Variants in MTMR7 observed in about 807,000 individuals in gnomAD.
The protein encoded by MTMR7 is phosphatidylinositol-3-phosphate phosphatase MTMR7.
In MTMR7, 76 loss-of-function variants were observed where a neutral mutation model predicts 81.2. The ratio of observed to expected loss-of-function variants is 0.94; its 90% CI spans 0.78 to 1.13. The LOEUF (loss-of-function observed/expected upper bound fraction) is 1.13, where lower values mean the gene tolerates loss of function less well. MTMR7 is among the 50% of genes most tolerant of loss of function. MTMR7 has a pLI of 0.00. For missense variants in MTMR7, 1,044 were observed against 820.0 expected (o/e 1.27, Z -3.34); for synonymous variants, 372 against 289.8 (o/e 1.28, Z -2.88).
chr8:17,378,150 A>C (rs549242509), intron 1 of MTMR7, among the ~76,000 whole-genome samples: 1 of 152,286 alleles, frequency 6.6e-6, no homozygotes, highest in East Asian at 1.9e-4. Context: ...CTGCTGCAGG[A>C]AAGTCACATT....
chr8:17,338,517 G>A (rs1340792382), intron 6 of MTMR7, among the ~76,000 whole-genome samples: 1 of 152,164 alleles, frequency 6.6e-6, no homozygotes, highest in Non-Finnish European at 1.5e-5. Context: ...TATCTAAGCA[G>A]CTAATCATTA....
chr8:17,408,290 G>A (rs1216661822), intron 1 of MTMR7, among the ~76,000 whole-genome samples: 1 of 113,094 alleles, frequency 8.8e-6, no homozygotes, highest in Non-Finnish European at 2.1e-5. Flanking sequence ...TTGGGAGGCT[G>A]AGGCAGGAGA....
chr8:17,342,640 G>C (rs1159961856), intron 5 of MTMR7, among the ~76,000 whole-genome samples: 1 of 152,132 alleles, frequency 6.6e-6, no homozygotes, highest in Admixed American at 6.5e-5. Context: ...TCTGAAGTTG[G>C]AGAACCACAG....
intron 1 of MTMR7, among the ~76,000 whole-genome samples, chr8:17,383,168 A>T (rs186967753): frequency 6.6e-6 from 1 of 152,248 alleles, no homozygotes; most frequent in Non-Finnish European, 1.5e-5. Context: ...TTTTACCTTT[A>T]AACAGTGCCC....
chr8:17,337,412 T>C (rs946234959), intron 6 of MTMR7, among the ~76,000 whole-genome samples: 4 of 148,144 alleles, frequency 2.7e-5, no homozygotes, highest in Non-Finnish European at 4.5e-5. Context: ...CTCAGCAAAG[T>C]CCCAGAACAA....
rs182328304 is a variant in MTMR7 at position 17,309,373 on chromosome 8, A to T, written c.1102-47T>A. On this transcript the variant is annotated intron_variant, in intron 9 of 13. Transcript: ENST00000180173. ...TATCTTGGAGAGAAGCAAACGAAAA[A>T]TAAGAGACCACACAACCAATAATGT... 387 of 1,251,186 alleles carry T rather than the reference A, an allele frequency of 3.1e-4. No homozygotes were observed. In the African/African-American group the frequency reaches 5.1e-3, roughly 17 times the overall value. The allele number at this position is 1,251,186 out of a possible 1,614,324, so 77.5% of individuals were successfully genotyped here. A position where few individuals can be genotyped will look rare whatever the true frequency, so the allele number is the denominator to read the frequency against.
chr8:17,301,981 G>C lies in MTMR7; in HGVS notation c.1620+173C>G, dbSNP rs1325684109. On this transcript the variant is annotated intron_variant, in intron 13 of 13. Coordinates refer to ENST00000180173, the MANE Select transcript of MTMR7 (RefSeq NM_004686.5). ...ATGTGTGAAATGCATTAAATGCCTA[G>C]GTTTGGGCTTCGGTTATCTGAGTCC... is the stretch of plus-strand genomic sequence containing the variant. The C allele has an allele frequency of 6.5e-6, 5 of 773,176 alleles. No individual in the cohort carries two copies. In the Admixed American group the frequency reaches 9.1e-5, roughly 14 times the overall value. 47.9% of individuals were successfully genotyped at this position (773,176 alleles called of 1,614,324 possible). A position where few individuals can be genotyped will look rare whatever the true frequency, so the allele number is the denominator to read the frequency against.
intron 7 of MTMR7, among the ~76,000 whole-genome samples, chr8:17,327,118 A>G (rs753096166): frequency 5.9e-5 from 9 of 152,254 alleles, no homozygotes; most frequent in Non-Finnish European, 1.3e-4. Flanking sequence ...GTTAGTACAT[A>G]TAGTCTTCAC....
chr8:17,318,622 A>G (rs1818222882), intron 7 of MTMR7, among the ~76,000 whole-genome samples: 2 of 152,230 alleles, frequency 1.3e-5, no homozygotes, highest in South Asian at 4.1e-4. Flanking sequence ...CATGTCAGCT[A>G]ATTCACAGCC....
chr8:17,374,737 C>CTGGAGGCAG (rs1820523003), intron 1 of MTMR7, among the ~76,000 whole-genome samples: 1 of 152,030 alleles, frequency 6.6e-6, no homozygotes, highest in African/African-American at 2.4e-5. Flanking sequence ...CACTTGAACC[C>CTGGAGGCAG]TGGAGGCAGA....
chr8:17,338,118 G>C (rs576393602), intron 6 of MTMR7, among the ~76,000 whole-genome samples: 133 of 152,266 alleles, frequency 8.7e-4, no homozygotes, highest in African/African-American at 3.0e-3. Flanking sequence ...AAAGCTCTAA[G>C]TAAACAGTTT....
chr8:17,391,368 T>C (rs1195271291), intron 1 of MTMR7, among the ~76,000 whole-genome samples: 1 of 152,166 alleles, frequency 6.6e-6, no homozygotes, highest in African/African-American at 2.4e-5. Context: ...GACATATATA[T>C]TGTTTTAAAG....
At position 17,299,632 on chromosome 8, in the gene MTMR7, G is replaced by T; in HGVS notation, c.*230C>A. ...GAATATAATTTTCATAGTCTAGGGT[G>T]AGCTTCAAAATGGTGAATAATTTTC... On this transcript the variant is annotated 3_prime_UTR_variant, in exon 14 of 14. Coordinates refer to ENST00000180173, the MANE Select transcript of MTMR7 (RefSeq NM_004686.5). 1 of 553,500 alleles carries T rather than the reference G, an allele frequency of 1.8e-6. No homozygotes were observed. The highest frequency in any genetic ancestry group is 3.2e-6 in the Non-Finnish European group (1 of 315,074). The allele number at this position is 553,500 out of a possible 1,614,324, so 34.3% of individuals were successfully genotyped here.
chr8:17,298,865 T>A lies in MTMR7; in HGVS notation c.*997A>T, dbSNP rs1328924451. ...TCAGCAGTCAGTGGTCATGAGATGT[T>A]ACTAAGGTTAATTAAACCATATTAG... On this transcript the variant is annotated 3_prime_UTR_variant, in exon 14 of 14. Transcript: ENST00000180173. The A allele has an allele frequency of 6.6e-6, 1 of 152,274 alleles. No homozygotes were observed. The highest frequency in any genetic ancestry group is 1.9e-4 in the East Asian group (1 of 5,200). 9.4% of individuals were successfully genotyped at this position (152,274 alleles called of 1,614,324 possible). A position where few individuals can be genotyped will look rare whatever the true frequency, so the allele number is the denominator to read the frequency against.
At chr8:17,367,075 G>A (rs1488235164) in intron 3 of MTMR7, among the ~76,000 whole-genome samples, 5 of 152,090 alleles carry the variant, frequency 3.3e-5, no homozygotes, top group South Asian at 4.2e-4. Flanking sequence ...GGGCTGCTAC[G>A]CTCTGATAAA....
chr8:17,406,671 C>G (rs930954982), intron 1 of MTMR7, among the ~76,000 whole-genome samples: 5 of 152,132 alleles, frequency 3.3e-5, no homozygotes, highest in African/African-American at 1.2e-4. Context: ...TACAAACATA[C>G]GTCCACACAA....
intron 1 of MTMR7, among the ~76,000 whole-genome samples, chr8:17,395,643 T>C (rs978111699): frequency 6.6e-6 from 1 of 152,250 alleles, no homozygotes; most frequent in African/African-American, 2.4e-5. Context: ...TGGTATCTTA[T>C]TGTGGTTCTG....
chr8:17,350,937 C>A (rs994928981), intron 4 of MTMR7, among the ~76,000 whole-genome samples: 4 of 152,164 alleles, frequency 2.6e-5, no homozygotes, highest in Non-Finnish European at 5.9e-5. Flanking sequence ...CTGCCAAGAA[C>A]AGAAGGCTCA....
chr8:17,323,346 C>T (rs1818506221), intron 7 of MTMR7, among the ~76,000 whole-genome samples: 1 of 152,046 alleles, frequency 6.6e-6, no homozygotes, highest in Admixed American at 6.6e-5. Context: ...CTCCACTTTC[C>T]ATATTATTTT....
Sources: allele counts gnomAD v4.1 joint callset (sites outside exome capture counted in the v4.1 genomes callset), GRCh38; gene constraint gnomAD v4.1.1; transcripts MANE v1.5; gene names NCBI Gene and HGNC (gene_info 2026-07-23, HGNC 2026-07-21).